The following KCNB2 variants were observed in gnomAD, a reference collection of about 807,000 sequenced individuals.
The protein encoded by KCNB2 is potassium voltage-gated channel subfamily B member 2.
Under a neutral mutation model 61.5 loss-of-function variants are expected in KCNB2, and 15 were observed. That is an observed-to-expected ratio of 0.24 (90% CI 0.16 to 0.38). The LOEUF (loss-of-function observed/expected upper bound fraction) is 0.38, where lower values mean the gene tolerates loss of function less well. KCNB2 is among the 10% of genes least tolerant of loss of function. The pLI, the probability that KCNB2 is intolerant of heterozygous loss-of-function variation, is 1.00. For missense variants in KCNB2, 828 were observed against 1,125.2 expected (o/e 0.74, Z 3.78); for synonymous variants, 457 against 446.0 (o/e 1.02, Z -0.31).
intron 2 of KCNB2, among the ~76,000 whole-genome samples, chr8:72,849,624 A>T (rs548118493): frequency 1.3e-5 from 2 of 152,352 alleles, no homozygotes; most frequent in East Asian, 1.9e-4. Flanking sequence ...CTTTTAAAAA[A>T]ATCTTCCCTC....
chr8:72,682,523 A>G (rs571440624), intron 2 of KCNB2, among the ~76,000 whole-genome samples: 1 of 149,554 alleles, frequency 6.7e-6, no homozygotes, highest in South Asian at 2.1e-4. Context: ...TTGTTGCTGT[A>G]TTGCCTGACT....
intron 2 of KCNB2, among the ~76,000 whole-genome samples, chr8:72,572,592 C>G (rs1806728392): frequency 6.6e-6 from 1 of 151,882 alleles, no homozygotes; most frequent in East Asian, 1.9e-4. Flanking sequence ...CTCTCTCACA[C>G]AGACACACAC....
intron 2 of KCNB2, among the ~76,000 whole-genome samples, chr8:72,670,228 G>A (rs1314708504): frequency 6.6e-6 from 1 of 152,218 alleles, no homozygotes. Context: ...TGAATGACCA[G>A]CAAGTTGCTT....
Position 72,701,168 on chromosome 8 carries a change from G to A in KCNB2, c.579+132855G>A, listed in dbSNP as rs141255772. Reference sequence around the variant, plus strand: ...TGGCATCAGTCGTACCCAAGTCTTAGCATCACACAGTATACCCATGAAATA... The same window carrying A: ...TGGCATCAGTCGTACCCAAGTCTTAACATCACACAGTATACCCATGAAATA... On this transcript the variant is annotated intron_variant, in intron 2 of 2. Coordinates refer to ENST00000523207, the MANE Select transcript of KCNB2 (RefSeq NM_004770.3). Among the ~76,000 whole-genome samples the A allele has an allele frequency of 2.1e-3, 320 of 152,196 alleles. 3 individuals carry two copies. The highest frequency in any genetic ancestry group is 7.2e-3 in the African/African-American group (301 of 41,526).
intron 1 of KCNB2, among the ~76,000 whole-genome samples, chr8:72,559,478 C>T (rs1165024289): frequency 6.6e-6 from 1 of 152,060 alleles, no homozygotes; most frequent in African/African-American, 2.4e-5. Context: ...GCCAGGAAGC[C>T]GTGAGAGCAT....
At chr8:72,765,806 A>G (rs1017129629) in intron 2 of KCNB2, among the ~76,000 whole-genome samples, 5 of 152,196 alleles carry the variant, frequency 3.3e-5, no homozygotes, top group Non-Finnish European at 7.4e-5. Flanking sequence ...CAGACTTTCT[A>G]ATTCACTGGA....
intron 2 of KCNB2, among the ~76,000 whole-genome samples, chr8:72,693,600 C>G (rs1363877891): frequency 2.6e-5 from 4 of 152,174 alleles, no homozygotes; most frequent in Admixed American, 6.5e-5. Context: ...GTCCCAGGCT[C>G]AGAAATATAT....
chr8:72,925,508 G>T (rs945494356), intron 2 of KCNB2, among the ~76,000 whole-genome samples: 1 of 152,260 alleles, frequency 6.6e-6, no homozygotes. Flanking sequence ...ATGAACTGTT[G>T]TTTAAAAGAG....
intron 2 of KCNB2, among the ~76,000 whole-genome samples, chr8:72,874,596 G>A (rs976299713): frequency 3.9e-5 from 6 of 152,342 alleles, no homozygotes; most frequent in Middle Eastern, 3.4e-3. Context: ...GAAAGGAGTT[G>A]TTCAAAGGCA....
intron 2 of KCNB2, among the ~76,000 whole-genome samples, chr8:72,745,188 C>A (rs1808037200): frequency 6.6e-6 from 1 of 152,150 alleles, no homozygotes; most frequent in African/African-American, 2.4e-5. Context: ...AAAAGCTGCA[C>A]TAATAAAATA....
chr8:72,828,327 A>G (rs955649508), intron 2 of KCNB2, among the ~76,000 whole-genome samples: 1 of 152,202 alleles, frequency 6.6e-6, no homozygotes, highest in African/African-American at 2.4e-5. Flanking sequence ...TGTTAAAGTA[A>G]TAAGCATCCC....
intron 2 of KCNB2, among the ~76,000 whole-genome samples, chr8:72,612,272 A>G (rs1563538455): frequency 6.6e-6 from 1 of 152,206 alleles, no homozygotes; most frequent in African/African-American, 2.4e-5. Context: ...GGATTGAACA[A>G]TGCAGTGTTC....
Position 72,785,344 on chromosome 8 carries a change from A to G in KCNB2, c.580-150591A>G, listed in dbSNP as rs150351549. On this transcript the variant is annotated intron_variant, in intron 2 of 2. Coordinates refer to ENST00000523207, the MANE Select transcript of KCNB2 (RefSeq NM_004770.3). The stretch of plus-strand genomic sequence containing the variant: ...TATAAACAACCCAAATAAGCTCCTG[A>G]ATAATTGGGAATTGCCTACGTTTGT... Among the ~76,000 whole-genome samples, 338 of 152,292 alleles carry G rather than the reference A, an allele frequency of 2.2e-3. 2 individuals carry two copies. The highest frequency in any genetic ancestry group is 7.6e-3 in the African/African-American group (316 of 41,560).
intron 2 of KCNB2, among the ~76,000 whole-genome samples, chr8:72,689,965 A>G (rs1392157645): frequency 2.0e-5 from 3 of 152,146 alleles, no homozygotes; most frequent in Admixed American, 6.5e-5. Context: ...TTGTGATGCT[A>G]GAACAAAACT....
At chr8:72,910,869 G>T (rs992012045) in intron 2 of KCNB2, among the ~76,000 whole-genome samples, 1 of 152,156 alleles carries the variant, frequency 6.6e-6, no homozygotes, top group Non-Finnish European at 1.5e-5. Context: ...CTCATGCCAT[G>T]GTTTGAAGTA....
intron 2 of KCNB2, among the ~76,000 whole-genome samples, chr8:72,719,008 G>A (rs1051916021): frequency 6.6e-6 from 1 of 150,562 alleles, no homozygotes; most frequent in South Asian, 2.1e-4. Context: ...ATGGCAAATA[G>A]TAGTAACAAG....
rs947451713 is a variant in KCNB2, at chr8:72,867,048, C to A, written c.580-68887C>A. On this transcript the variant is annotated intron_variant, in intron 2 of 2. Transcript: ENST00000523207. ...TGAGTCCCAAGGAATTTCTAAATCC[C>A]AAACTATATCTTGCACTTTGCCTGG... 9.8e-5 allele frequency among the ~76,000 whole-genome samples: 15 copies of A among 152,292 alleles called. No homozygotes were observed. In the East Asian group the frequency reaches 2.9e-3, roughly 29 times the overall value.
At chr8:72,861,643 G>A (rs1805416463) in intron 2 of KCNB2, among the ~76,000 whole-genome samples, 1 of 152,208 alleles carries the variant, frequency 6.6e-6, no homozygotes, top group Non-Finnish European at 1.5e-5. Context: ...CAGCCTGCCT[G>A]CAGCAGGACT....
At chr8:72,585,663 C>T (rs1806991324) in intron 2 of KCNB2, among the ~76,000 whole-genome samples, 1 of 152,098 alleles carries the variant, frequency 6.6e-6, no homozygotes, top group African/African-American at 2.4e-5. Flanking sequence ...CCGTGATGCC[C>T]AACGGATGTT....
Sources: allele counts gnomAD v4.1 joint callset (sites outside exome capture counted in the v4.1 genomes callset), GRCh38; gene constraint gnomAD v4.1.1; transcripts MANE v1.5; gene names NCBI Gene and HGNC (gene_info 2026-07-23, HGNC 2026-07-21).